EPHA6: variants seen among roughly 807,000 people sequenced by gnomAD.
The protein encoded by EPHA6 is ephrin type-A receptor 6.
Under a neutral mutation model 112.0 loss-of-function variants are expected in EPHA6, and 50 were observed. The observed-to-expected ratio is 0.45, with a 90% confidence interval of 0.36 to 0.56. EPHA6 has a LOEUF of 0.56. Among genes scored for constraint, EPHA6 ranks in the 20% least tolerant of loss-of-function variants. The pLI is 0.00. For synonymous variants in EPHA6, 529 were observed against 490.7 expected, an observed-to-expected ratio of 1.08 and a Z score of -1.03; for missense variants, 1,280 against 1,417.4, an observed-to-expected ratio of 0.90 and a Z score of 1.56.
chr3:97,710,024 C>T (rs1169226568), intron 14 of EPHA6, among the ~76,000 whole-genome samples: 1 of 152,168 alleles, frequency 6.6e-6, no homozygotes. Flanking sequence ...AAAATATGAG[C>T]ATTTTAATAA....
chr3:96,982,056 C>T (rs1300975963), intron 2 of EPHA6, among the ~76,000 whole-genome samples: 4 of 152,172 alleles, frequency 2.6e-5, no homozygotes, highest in Non-Finnish European at 5.9e-5. Context: ...CTATCTCCTT[C>T]AGTTCTTCTC....
chr3:96,986,451 C>T (rs1018851828), intron 2 of EPHA6, among the ~76,000 whole-genome samples: 2 of 152,118 alleles, frequency 1.3e-5, no homozygotes, highest in African/African-American at 4.8e-5. Context: ...CTCAAATATA[C>T]CTGTACAGTC....
intron 3 of EPHA6, among the ~76,000 whole-genome samples, chr3:97,063,056 G>T (rs1025625635): frequency 7.9e-5 from 12 of 152,078 alleles, no homozygotes; most frequent in Non-Finnish European, 1.2e-4. Flanking sequence ...AGCAACAGAT[G>T]CTGGCGAAGT....
chr3:97,323,782 G>A (rs2082235508), intron 5 of EPHA6, among the ~76,000 whole-genome samples: 2 of 151,952 alleles, frequency 1.3e-5, no homozygotes, highest in South Asian at 4.1e-4. Flanking sequence ...CAGGGAGAAA[G>A]AAACACAGTT....
intron 5 of EPHA6, among the ~76,000 whole-genome samples, chr3:97,323,096 C>G (rs1215943100): frequency 6.6e-6 from 1 of 151,928 alleles, no homozygotes; most frequent in African/African-American, 2.4e-5. Flanking sequence ...ACAAAATACT[C>G]TACACCACAT....
chr3:97,680,352 A>T (rs541902836), intron 14 of EPHA6, among the ~76,000 whole-genome samples: 1 of 152,284 alleles, frequency 6.6e-6, no homozygotes, highest in East Asian at 1.9e-4. Context: ...GGCCCAGCCC[A>T]CAAGCATGCC....
chr3:97,413,424 G>T (rs531702099), intron 6 of EPHA6, among the ~76,000 whole-genome samples: 3 of 151,876 alleles, frequency 2.0e-5, no homozygotes, highest in African/African-American at 7.2e-5. Flanking sequence ...AGGAGGGTAG[G>T]AAGTGAGGCA....
chr3:96,931,018 A>AAAAAAAAAAAAAAAAAAAAAAAAAAAG (rs796531853), intron 2 of EPHA6, among the ~76,000 whole-genome samples: 1 of 84,562 alleles, frequency 1.2e-5, no homozygotes, highest in African/African-American at 4.2e-5. Context: ...AAAAAAAAAA[A>AAAAAAAAAAAAAAAAAAAAAAAAAAAG]AAAGAAAAGC....
intron 6 of EPHA6, among the ~76,000 whole-genome samples, chr3:97,436,259 T>A (rs979319601): frequency 1.3e-5 from 2 of 152,134 alleles, no homozygotes; most frequent in African/African-American, 4.8e-5. Flanking sequence ...AATGTTAAAA[T>A]CTTTATTTTG....
At chr3:97,339,252 C>T (rs1279933174) in intron 5 of EPHA6, among the ~76,000 whole-genome samples, 3 of 152,164 alleles carry the variant, frequency 2.0e-5, no homozygotes, top group Non-Finnish European at 4.4e-5. Context: ...GTATGCAGGA[C>T]ATATGTAAAC....
intron 3 of EPHA6, among the ~76,000 whole-genome samples, chr3:97,089,611 A>T (rs1000652204): frequency 6.6e-6 from 1 of 152,176 alleles, no homozygotes; most frequent in African/African-American, 2.4e-5. Flanking sequence ...ACTCAAACAA[A>T]TAGAAATCAA....
chr3:97,724,486 G>A (rs2034667836), intron 15 of EPHA6, among the ~76,000 whole-genome samples: 2 of 152,122 alleles, frequency 1.3e-5, no homozygotes, highest in South Asian at 2.1e-4. Context: ...CCAGTTCTCA[G>A]TAGGCCAAGC....
intron 3 of EPHA6, among the ~76,000 whole-genome samples, chr3:97,186,952 T>C (rs1372085976): frequency 1.3e-5 from 2 of 152,102 alleles, no homozygotes; most frequent in African/African-American, 4.8e-5. Flanking sequence ...CTAATAATTA[T>C]TGTCTTGCCT....
At chr3:97,704,049 A>T (rs112406554) in intron 14 of EPHA6, among the ~76,000 whole-genome samples, 60 of 152,244 alleles carry the variant, frequency 3.9e-4, no homozygotes, top group African/African-American at 1.4e-3. Flanking sequence ...TATATAAAAC[A>T]TATGAATTAA....
intron 5 of EPHA6, among the ~76,000 whole-genome samples, chr3:97,328,901 G>A (rs574475073): frequency 1.3e-5 from 2 of 152,062 alleles, no homozygotes; most frequent in South Asian, 4.2e-4. Flanking sequence ...GTGCCATATT[G>A]GTGTGCTGCA....
intron 2 of EPHA6, among the ~76,000 whole-genome samples, chr3:96,927,592 T>C (rs1576061373): frequency 6.6e-6 from 1 of 152,066 alleles, no homozygotes; most frequent in South Asian, 2.1e-4. Context: ...ATAGTAAGAG[T>C]GACCTTTGCT....
At chr3:97,031,890 G>A (rs1288957908) in intron 3 of EPHA6, among the ~76,000 whole-genome samples, 5 of 152,104 alleles carry the variant, frequency 3.3e-5, no homozygotes, top group South Asian at 2.1e-4. Flanking sequence ...TCAGTGTGGC[G>A]ATTCATCAGG....
chr3:97,688,614 T>C (rs1215526062), intron 14 of EPHA6, among the ~76,000 whole-genome samples: 3 of 148,782 alleles, frequency 2.0e-5, no homozygotes, highest in Non-Finnish European at 3.0e-5. Context: ...TTAGGAGATA[T>C]ACCTAATGTA....
intron 11 of EPHA6, among the ~76,000 whole-genome samples, chr3:97,537,955 A>C (rs1228052692): frequency 6.6e-6 from 1 of 152,244 alleles, no homozygotes; most frequent in African/African-American, 2.4e-5. Flanking sequence ...CTAAATATTT[A>C]AATGTAACTT....
Sources: allele counts gnomAD v4.1 joint callset (sites outside exome capture counted in the v4.1 genomes callset), GRCh38; gene constraint gnomAD v4.1.1; transcripts MANE v1.5; gene names NCBI Gene and HGNC (gene_info 2026-07-23, HGNC 2026-07-21).